Variants in FYB1 observed in about 807,000 individuals in gnomAD.
The protein encoded by FYB1 is FYN-binding protein 1.
In FYB1, 41 loss-of-function variants were observed where a neutral mutation model predicts 94.1. That is an observed-to-expected ratio of 0.44 (90% CI 0.34 to 0.57). The LOEUF (loss-of-function observed/expected upper bound fraction) is 0.57, where lower values mean the gene tolerates loss of function less well. Among genes scored for constraint, FYB1 ranks in the 20% least tolerant of loss-of-function variants. The pLI is 0.02. For synonymous variants in FYB1, 367 were observed against 353.2 expected, an observed-to-expected ratio of 1.04 and a Z score of -0.44; for missense variants, 1,050 against 976.8, an observed-to-expected ratio of 1.07 and a Z score of -1.00.
chr5:39,187,142 A>G (rs1388569798), intron 2 of FYB1, among the ~76,000 whole-genome samples: 3 of 152,200 alleles, frequency 2.0e-5, no homozygotes, highest in African/African-American at 7.2e-5. Flanking sequence ...AGGTTCTCCT[A>G]TCAACTTCAA....
intron 2 of FYB1, among the ~76,000 whole-genome samples, chr5:39,172,119 C>G (rs1486702181): frequency 6.6e-6 from 1 of 152,168 alleles, no homozygotes; most frequent in African/African-American, 2.4e-5. Flanking sequence ...TCAGACAAAG[C>G]AGACCCACTG....
Position 39,127,745 on chromosome 5 carries a change from C to A in FYB1, c.1903G>T (p.Asp635Tyr). 6.2e-7 allele frequency: 1 copy of A among 1,600,626 alleles called. No homozygotes were observed. The highest frequency in any genetic ancestry group is 8.5e-7 in the Non-Finnish European group (1 of 1,173,520). The change falls in exon 11 of 19, where the codon GAT becomes TAT. Residue 635 changes from aspartate (D) to tyrosine (Y), a missense_variant. Physicochemically the swap from Asp to Tyr is radical, Grantham distance 160. Coordinates refer to ENST00000512982, the MANE Select transcript of FYB1 (RefSeq NM_001465.6). ...YDGIEEEDAD[D>Y]GSTLQVQEKS... ...CAGTTCACTGATTATTCTTACCCAT[C>A]ATCAGCATCTTCCTCTTCAATCCCA...
chr5:39,261,102 C>T, intron 1 of FYB1, among the ~76,000 whole-genome samples: 1 of 151,864 alleles, frequency 6.6e-6, no homozygotes, highest in African/African-American at 2.4e-5. Flanking sequence ...TGCATGTTCT[C>T]ACACATGAGT....
intron 1 of FYB1, among the ~76,000 whole-genome samples, chr5:39,243,904 T>C (rs1194982016): frequency 2.6e-5 from 4 of 152,208 alleles, no homozygotes; most frequent in South Asian, 2.1e-4. Context: ...TTTGAAGCAA[T>C]TGTGAATGGG....
intron 3 of FYB1, among the ~76,000 whole-genome samples, chr5:39,152,579 T>G (rs1303852862): frequency 6.6e-6 from 1 of 152,230 alleles, no homozygotes; most frequent in East Asian, 1.9e-4. Context: ...CCATTTTGTC[T>G]TAAGGATTTA....
intron 2 of FYB1, among the ~76,000 whole-genome samples, chr5:39,177,810 A>G (rs1745875267): frequency 6.6e-6 from 1 of 152,186 alleles, no homozygotes; most frequent in South Asian, 2.1e-4. Context: ...GCTTTGAACA[A>G]CAAAGTTGCT....
intron 1 of FYB1, among the ~76,000 whole-genome samples, chr5:39,261,390 C>T (rs1292043333): frequency 1.4e-5 from 2 of 140,092 alleles, no homozygotes; most frequent in African/African-American, 5.3e-5. Flanking sequence ...TGTTAGACAG[C>T]AGGCAAGAGT....
At chr5:39,212,597 G>A (rs1749496339) in intron 1 of FYB1, 1 of 152,140 alleles carries the variant, frequency 6.6e-6, no homozygotes, top group Non-Finnish European at 1.5e-5. Flanking sequence ...AACAATATAA[G>A]CACATCACAC....
chr5:39,107,508 A>T (rs753498733), intron 18 of FYB1, 43 bp from the exon 19 acceptor site: 2 of 1,376,486 alleles, frequency 1.5e-6, no homozygotes, highest in Admixed American at 2.1e-5. Context: ...TATTAAAAAC[A>T]TATTCTCTAA....
rs1267415328 is a variant in FYB1, at chr5:39,219,432, A to G, written c.-28+11T>C. 1.0e-6 allele frequency: 1 copy of G among 985,390 alleles called. No individual in the cohort carries two copies. The highest frequency in any genetic ancestry group is 1.1e-4 in the East Asian group (1 of 8,834). The allele number at this position is 985,390 out of a possible 1,614,324, so 61.0% of individuals were successfully genotyped here. ...TTTATTTGAAAGAAGAAACCTAGGCATAGCTGTTACCTGACTCCTGCAGAA... is the reference window on the plus strand; with the variant it reads ...TTTATTTGAAAGAAGAAACCTAGGCGTAGCTGTTACCTGACTCCTGCAGAA... On this transcript the variant is annotated intron_variant, in intron 1 of 18. Coordinates refer to ENST00000512982, the MANE Select transcript of FYB1 (RefSeq NM_001465.6).
intron 2 of FYB1, among the ~76,000 whole-genome samples, chr5:39,185,786 A>G (rs1746724783): frequency 6.6e-6 from 1 of 152,178 alleles, no homozygotes; most frequent in East Asian, 1.9e-4. Context: ...AGAGAGAGCT[A>G]TAAAAGTTGG....
rs1285710568 is a variant in FYB1 at position 39,156,348 on chromosome 5, C to T, written c.1136-2744G>A. ...GGGGTGTGCTTGCTCTTCTACCGGA[C>T]TTGGAACTAGAAGGGGGTCCTCCTT... On this transcript the variant is annotated intron_variant, in intron 2 of 18. Transcript: ENST00000512982. Among the ~76,000 whole-genome samples, 3 of 152,188 alleles carry T rather than the reference C, an allele frequency of 2.0e-5. No homozygotes were observed. The East Asian group carries it at 5.8e-4, about 29-fold the overall frequency.
intron 18 of FYB1, 129 bp downstream of exon 18, chr5:39,108,102 C>G: frequency 1.1e-6 from 1 of 872,342 alleles, no homozygotes; most frequent in Non-Finnish European, 1.7e-6. Context: ...TTTACCTTTT[C>G]TAACATTTTC....
At chr5:39,121,839 A>G (rs901441275) in intron 14 of FYB1, among the ~76,000 whole-genome samples, 1 of 151,976 alleles carries the variant, frequency 6.6e-6, no homozygotes, top group Non-Finnish European at 1.5e-5. Flanking sequence ...TCTTTTTTTC[A>G]TAAAGGAAAC....
At chr5:39,177,784 G>C (rs1204835369) in intron 2 of FYB1, among the ~76,000 whole-genome samples, 1 of 152,106 alleles carries the variant, frequency 6.6e-6, no homozygotes, top group African/African-American at 2.4e-5. Flanking sequence ...GTGAGATAAG[G>C]TGTCTTGCAG....
chr5:39,242,473 C>T (rs1252821855), intron 1 of FYB1, among the ~76,000 whole-genome samples: 2 of 152,098 alleles, frequency 1.3e-5, no homozygotes, highest in Admixed American at 6.6e-5. Flanking sequence ...ATGAACTCAT[C>T]CTTTTTTATG....
intron 1 of FYB1, among the ~76,000 whole-genome samples, chr5:39,261,312 A>G (rs1436336281): frequency 6.8e-6 from 1 of 146,610 alleles, no homozygotes; most frequent in Non-Finnish European, 1.5e-5. Flanking sequence ...AATTAAAAAA[A>G]AAAAAAAGAA....
intron 2 of FYB1, among the ~76,000 whole-genome samples, chr5:39,165,489 T>C (rs1363238155): frequency 6.6e-6 from 1 of 152,084 alleles, no homozygotes; most frequent in African/African-American, 2.4e-5. Context: ...AAGAAATTAA[T>C]GCAAGATGGA....
chr5:39,161,217 C>T (rs914197759), intron 2 of FYB1, among the ~76,000 whole-genome samples: 1 of 152,158 alleles, frequency 6.6e-6, no homozygotes, highest in African/African-American at 2.4e-5. Context: ...CCTGCGTATG[C>T]CCTATGACAC....
Sources: gnomAD v4.1 joint callset for allele counts (sites outside exome capture counted in the v4.1 genomes callset) on GRCh38, gnomAD v4.1.1 for gene constraint, MANE v1.5 for transcripts, NCBI Gene and HGNC (gene_info 2026-07-23, HGNC 2026-07-21) for gene names.